SDK1: variants seen among roughly 807,000 people sequenced by gnomAD.
SDK1 encodes sidekick cell adhesion molecule 1, also known as protein sidekick-1.
A neutral mutation model predicts 245.5 loss-of-function variants in SDK1; 157 were observed. The observed-to-expected ratio is 0.64, with a 90% CI of 0.56 to 0.73. SDK1 has a LOEUF of 0.73. Ranked by LOEUF, SDK1 falls within the 30% of genes least tolerant of loss-of-function variation. The pLI is 0.00. For synonymous variants in SDK1, 1,647 were observed against 1,278.5 expected, an observed-to-expected ratio of 1.29 and a Z score of -6.15; for missense variants, 3,583 against 3,002.3, an observed-to-expected ratio of 1.19 and a Z score of -4.52.
Position 4,210,070 on chromosome 7 carries a change from C to T in SDK1, c.5447C>T (p.Thr1816Ile), listed in dbSNP as rs1260524079. 6.2e-7 allele frequency: 1 copy of T among 1,608,196 alleles called. No homozygotes were observed. The highest frequency in any genetic ancestry group is 2.2e-5 in the East Asian group (1 of 44,692). ...CTGGCGTTCTCAGAAATAACCTCCA[C>T]CACGCTCAACGTGTCCTGGGGCGAG... is the stretch of plus-strand genomic sequence containing the variant. Reference protein sequence around the residue: ...SFLAFSEITSTTLNVSWGEPA... With the variant: ...SFLAFSEITSITLNVSWGEPA... The change falls in exon 38 of 45, where the codon ACC becomes ATC. Residue 1816 changes from threonine to isoleucine, a missense_variant. Physicochemically the swap from Thr to Ile is moderately conservative, Grantham distance 89. Transcript: ENST00000404826.
chr7:3,451,734 A>T (rs1052882452), intron 1 of SDK1, among the ~76,000 whole-genome samples: 1 of 152,126 alleles, frequency 6.6e-6, no homozygotes, highest in African/African-American at 2.4e-5. Context: ...CAGGGGTTCT[A>T]CTCTGCGTGA....
intron 5 of SDK1, among the ~76,000 whole-genome samples, chr7:3,883,019 A>G (rs528758112): frequency 6.6e-6 from 1 of 152,308 alleles, no homozygotes; most frequent in Admixed American, 6.5e-5. Context: ...TGATCCTCAT[A>G]AGAAATTGGA....
chr7:4,133,740 T>C (rs560068291), intron 28 of SDK1, among the ~76,000 whole-genome samples: 1 of 152,240 alleles, frequency 6.6e-6, no homozygotes, highest in African/African-American at 2.4e-5. Context: ...ACCTGGACGT[T>C]TTAAACTGGC....
chr7:3,758,065 T>C (rs1779986746), intron 4 of SDK1, among the ~76,000 whole-genome samples: 1 of 152,118 alleles, frequency 6.6e-6, no homozygotes, highest in African/African-American at 2.4e-5. Flanking sequence ...TAGAAGCAAG[T>C]TGTCAAGTCC....
At chr7:4,039,166 C>T (rs7807487) in intron 17 of SDK1, among the ~76,000 whole-genome samples, 3,771 of 141,782 alleles carry the variant, frequency 0.027, 184 homozygotes, top group African/African-American at 0.1. Context: ...GTGGGGGGAG[C>T]GGGGAGGGAT....
rs2128199943 is a variant in SDK1, at chr7:4,132,499, T to A, written c.4228+76T>A. 4 of 1,053,030 alleles carry A rather than the reference T, an allele frequency of 3.8e-6. No homozygotes were observed. In the South Asian group the frequency reaches 5.4e-5, roughly 14 times the overall value. The allele number at this position is 1,053,030 out of a possible 1,614,324, so 65.2% of individuals were successfully genotyped here. On this transcript the variant is annotated intron_variant, in intron 28 of 44. Transcript: ENST00000404826. ...CACCTTGGGAGACCGAGGCAGGTGGTTTGCTTGAGCCCAGGAGTTCAAGAC... is the reference window on the plus strand; with the variant it reads ...CACCTTGGGAGACCGAGGCAGGTGGATTGCTTGAGCCCAGGAGTTCAAGAC...
At chr7:3,982,327 A>G (rs1358481074) in intron 13 of SDK1, among the ~76,000 whole-genome samples, 2 of 152,178 alleles carry the variant, frequency 1.3e-5, no homozygotes, top group Admixed American at 6.5e-5. Context: ...TAGAGCTTTG[A>G]TGGGAATGTA....
At chr7:3,565,410 A>G (rs1779879792) in intron 1 of SDK1, among the ~76,000 whole-genome samples, 1 of 152,224 alleles carries the variant, frequency 6.6e-6, no homozygotes, top group South Asian at 2.1e-4. Flanking sequence ...CTCTGCTGCT[A>G]CTTAACATAG....
chr7:3,996,404 C>A (rs1784703627), intron 14 of SDK1, among the ~76,000 whole-genome samples: 2 of 152,086 alleles, frequency 1.3e-5, no homozygotes, highest in South Asian at 4.2e-4. Flanking sequence ...TATTTTGTTT[C>A]AAAAGTAGTC....
intron 40 of SDK1, among the ~76,000 whole-genome samples, chr7:4,231,389 C>T (rs1785753245): frequency 6.6e-6 from 1 of 151,314 alleles, no homozygotes; most frequent in African/African-American, 2.4e-5. Flanking sequence ...CACAGGGAGA[C>T]CCTGTCACTA....
chr7:3,813,320 T>G (rs1163126003), intron 4 of SDK1, among the ~76,000 whole-genome samples: 1 of 145,090 alleles, frequency 6.9e-6, no homozygotes, highest in Non-Finnish European at 1.5e-5. Context: ...GTCCATGTGT[T>G]CTCATTGTTC....
In SDK1 at chr7:3,642,086, A is replaced by G. The variant is rs1782670136; in HGVS notation, c.694A>G (p.Ile232Val). ...GACTTGGTTTAGAGAAGGGCACAAG[A>G]TTATTCCAAGCAACAGAATGTAAGT... ...QVTWFREGHKIIPSNRIAITL... is the reference protein window; with the variant it reads ...QVTWFREGHKVIPSNRIAITL... The change falls in exon 4 of 45, where the codon ATT becomes GTT. Residue 232 changes from isoleucine to valine, a missense_variant. Ile to Val is a conservative substitution (Grantham distance 29). Transcript: ENST00000404826. The G allele has an allele frequency of 6.2e-7, 1 of 1,614,024 alleles. No homozygotes were observed. The highest frequency in any genetic ancestry group is 1.1e-5 in the South Asian group (1 of 91,072).
intron 5 of SDK1, among the ~76,000 whole-genome samples, chr7:3,874,368 C>A (rs10239349): frequency 6.6e-6 from 1 of 152,304 alleles, no homozygotes; most frequent in Non-Finnish European, 1.5e-5. Context: ...AGCTCCCCTG[C>A]TGTATCCTTC....
intron 10 of SDK1, among the ~76,000 whole-genome samples, chr7:3,967,881 T>G (rs1782199437): frequency 6.6e-6 from 1 of 152,202 alleles, no homozygotes; most frequent in Non-Finnish European, 1.5e-5. Flanking sequence ...TGGGGACCCC[T>G]GATTTACAGA....
chr7:3,819,177 C>T (rs1266407780), intron 4 of SDK1, among the ~76,000 whole-genome samples: 1 of 151,110 alleles, frequency 6.6e-6, no homozygotes, highest in Non-Finnish European at 1.5e-5. Flanking sequence ...GGAAATTAAT[C>T]TTCATGATCT....
intron 4 of SDK1, among the ~76,000 whole-genome samples, chr7:3,693,727 A>G (rs1784495801): frequency 6.6e-6 from 1 of 152,182 alleles, no homozygotes; most frequent in South Asian, 2.1e-4. Context: ...CTAGTTTCAC[A>G]TCCCTGGAGT....
intron 3 of SDK1, among the ~76,000 whole-genome samples, chr7:3,640,221 A>G (rs1166926850): frequency 6.6e-6 from 1 of 152,216 alleles, no homozygotes; most frequent in Non-Finnish European, 1.5e-5. Flanking sequence ...AAAATGTTAT[A>G]AGATGTTAAA....
intron 1 of SDK1, among the ~76,000 whole-genome samples, chr7:3,550,858 G>A (rs186768217): frequency 1.3e-5 from 2 of 152,162 alleles, no homozygotes; most frequent in African/African-American, 4.8e-5. Context: ...TTCAAGATTA[G>A]GGTTTTGTAA....
intron 2 of SDK1, among the ~76,000 whole-genome samples, chr7:3,629,815 C>G (rs1345003961): frequency 2.0e-5 from 3 of 152,094 alleles, no homozygotes; most frequent in Non-Finnish European, 4.4e-5. Flanking sequence ...GAAAGCATGA[C>G]CCATAATCAG....
Sources: allele counts gnomAD v4.1 joint callset (sites outside exome capture counted in the v4.1 genomes callset), GRCh38; gene constraint gnomAD v4.1.1; transcripts MANE v1.5; gene names NCBI Gene and HGNC (gene_info 2026-07-23, HGNC 2026-07-21).